STEAP2: variants seen among roughly 807,000 people sequenced by gnomAD.
STEAP2 encodes metalloreductase STEAP2.
A neutral mutation model predicts 46.4 loss-of-function variants in STEAP2; 30 were observed. The ratio of observed to expected loss-of-function variants is 0.65; its 90% CI spans 0.48 to 0.88. STEAP2 has a LOEUF of 0.88. Ranked by LOEUF, STEAP2 falls within the 40% of genes least tolerant of loss-of-function variation. The pLI is 0.00. For synonymous variants in STEAP2, 180 were observed against 200.5 expected, an observed-to-expected ratio of 0.90 and a Z score of 0.86; for missense variants, 513 against 579.3, an observed-to-expected ratio of 0.89 and a Z score of 1.18.
At chr7:90,214,932 C>T (rs2116121929) in intron 1 of STEAP2, among the ~76,000 whole-genome samples, 1 of 152,210 alleles carries the variant, frequency 6.6e-6, no homozygotes, top group South Asian at 2.1e-4. Context: ...GGTTCATCCA[C>T]TTGAATGATA....
rs770052148 is a variant in STEAP2, at chr7:90,232,532, A to G, written c.1381A>G (p.Ile461Val). The change falls in exon 6 of 6, where the codon ATT becomes GTT. Residue 461 changes from isoleucine to valine, a missense_variant. Transcript: ENST00000394621. ...ATGTATAAGCCGAAAGCTAAAACGA[A>G]TTAAAAAAGGCTGGGAAAAGAGCCA... Reference protein sequence around the residue: ...LPCISRKLKRIKKGWEKSQFL... With the variant: ...LPCISRKLKRVKKGWEKSQFL... 1 of 1,613,810 alleles carries G rather than the reference A, an allele frequency of 6.2e-7. No individual in the cohort carries two copies. Among genetic ancestry groups the G allele is most frequent in the Admixed American group, 1.7e-5 (1 of 60,000 alleles).
intron 2 of STEAP2, among the ~76,000 whole-genome samples, chr7:90,224,046 C>T (rs144387972): frequency 1.0e-3 from 153 of 152,324 alleles, no homozygotes; most frequent in African/African-American, 3.4e-3. Context: ...TCCTCTCTGC[C>T]TCCAGCAGCA....
intron 2 of STEAP2, among the ~76,000 whole-genome samples, chr7:90,221,750 A>G (rs1795267209): frequency 6.6e-6 from 1 of 152,216 alleles, no homozygotes; most frequent in Non-Finnish European, 1.5e-5. Flanking sequence ...TGTCAAAAGT[A>G]AAAGACAAAG....
chr7:90,219,482 G>A (rs1795160901), intron 2 of STEAP2, among the ~76,000 whole-genome samples: 1 of 151,998 alleles, frequency 6.6e-6, no homozygotes, highest in South Asian at 2.1e-4. Flanking sequence ...CTAGTTTGTT[G>A]CAAGTTTTAT....
In STEAP2 at chr7:90,235,702, T is replaced by A. The variant is rs1795940849; in HGVS notation, c.*3078T>A. 6 of 821,574 alleles carry A rather than the reference T, an allele frequency of 7.3e-6. No homozygotes were observed. The highest frequency in any genetic ancestry group is 6.2e-5 in the Admixed American group (1 of 16,038). 50.9% of individuals were successfully genotyped at this position (821,574 alleles called of 1,614,324 possible). On this transcript the variant is annotated 3_prime_UTR_variant, in exon 6 of 6. Transcript: ENST00000394621. Reference sequence around the variant, plus strand: ...TACTTAGCTTTTATGTAAATATTTCTTATGTCTCCTCTATTAAGAGTATTT... The same window carrying A: ...TACTTAGCTTTTATGTAAATATTTCATATGTCTCCTCTATTAAGAGTATTT...
At chr7:90,218,634 A>G (rs751862944) in intron 2 of STEAP2, among the ~76,000 whole-genome samples, 1 of 151,742 alleles carries the variant, frequency 6.6e-6, no homozygotes, top group African/African-American at 2.4e-5. Flanking sequence ...TGATCTGTGC[A>G]TTTGTTTTTA....
chr7:90,239,806 T>G (rs1380401128), downstream of STEAP2, among the ~76,000 whole-genome samples: 1 of 152,200 alleles, frequency 6.6e-6, no homozygotes, highest in Non-Finnish European at 1.5e-5. Context: ...TTAGTATACT[T>G]TTCATTAGAA....
chr7:90,238,461 A>G (rs1796018626), downstream of STEAP2, among the ~76,000 whole-genome samples: 1 of 152,230 alleles, frequency 6.6e-6, no homozygotes, highest in Non-Finnish European at 1.5e-5. Flanking sequence ...GTACAGCACA[A>G]AATGAAGCTA....
intron 1 of STEAP2, chr7:90,212,414 T>C (rs1237377265): frequency 6.6e-6 from 1 of 152,334 alleles, no homozygotes; most frequent in Non-Finnish European, 1.5e-5. Context: ...TTTGGGTTGA[T>C]GCAGGGCATT....
Position 90,233,394 on chromosome 7 carries a change from G to C in STEAP2, c.*770G>C. The C allele has an allele frequency of 2.0e-6, 2 of 984,970 alleles. No individual in the cohort carries two copies. The highest frequency in any genetic ancestry group is 2.4e-6 in the Non-Finnish European group (2 of 829,640). The allele number at this position is 984,970 out of a possible 1,614,324, so 61.0% of individuals were successfully genotyped here. A position where few individuals can be genotyped will look rare whatever the true frequency, so the allele number is the denominator to read the frequency against. Reference sequence around the variant, plus strand: ...CTTCCAAAACTGCTATCTCTAATACGGTACCAATCCTAGGAACTGTATACT... The same window carrying C: ...CTTCCAAAACTGCTATCTCTAATACCGTACCAATCCTAGGAACTGTATACT... On this transcript the variant is annotated 3_prime_UTR_variant, in exon 6 of 6. Transcript: ENST00000394621.
chr7:90,236,406 C>A lies in STEAP2; in HGVS notation c.*3782C>A, dbSNP rs1394659268. On this transcript the variant is annotated 3_prime_UTR_variant, in exon 6 of 6. Transcript: ENST00000394621. ...TAAATCCATGACTTAAAACAAGATA[C>A]ATACATAGTATAACACACCTCACAG... 17 of 984,974 alleles carry A rather than the reference C, an allele frequency of 1.7e-5. No homozygotes were observed. The highest frequency in any genetic ancestry group is 2.0e-5 in the Non-Finnish European group (17 of 829,534). The allele number at this position is 984,974 out of a possible 1,614,324, so 61.0% of individuals were successfully genotyped here.
chr7:90,217,834 A>C (rs2116172940), intron 2 of STEAP2, among the ~76,000 whole-genome samples: 1 of 152,182 alleles, frequency 6.6e-6, no homozygotes, highest in Non-Finnish European at 1.5e-5. Context: ...GTCTTTTGAG[A>C]AACAACCCCT....
At chr7:90,224,996 GT>G (rs1795417270) in intron 2 of STEAP2, 53 bp from the exon 3 acceptor site, 1 of 1,444,296 alleles carries the variant, frequency 6.9e-7, no homozygotes, top group Non-Finnish European at 9.4e-7. Flanking sequence ...GTCTAGAAGT[GT>G]TTTAATGTTC....
In STEAP2 at chr7:90,236,717, T is replaced by C. The variant is rs11563377; in HGVS notation, c.*4093T>C. On this transcript the variant is annotated 3_prime_UTR_variant, in exon 6 of 6. Coordinates refer to ENST00000394621, the MANE Select transcript of STEAP2 (RefSeq NM_001244944.2). ...TGTTCAGCCTAACATACTGAGTTTT[T>C]TTTAACTTTCTAAATTATTGAATTT... is the stretch of plus-strand genomic sequence containing the variant. 253,055 of 1,395,716 alleles carry C rather than the reference T, an allele frequency of 0.18. 23,883 individuals carry two copies. The highest frequency in any genetic ancestry group is 0.26 in the Middle Eastern group (982 of 3,794). 86.5% of individuals were successfully genotyped at this position (1,395,716 alleles called of 1,614,324 possible).
At chr7:90,218,281 T>C (rs1455736486) in intron 2 of STEAP2, among the ~76,000 whole-genome samples, 1 of 152,130 alleles carries the variant, frequency 6.6e-6, no homozygotes, top group African/African-American at 2.4e-5. Context: ...TATAGTCCCA[T>C]TTGTCTATTT....
chr7:90,227,088 T>C lies in STEAP2; in HGVS notation c.610T>C (p.Leu204=). 6.2e-7 allele frequency: 1 copy of C among 1,613,784 alleles called. No individual in the cohort carries two copies. Among genetic ancestry groups the C allele is most frequent in the Non-Finnish European group, 8.5e-7 (1 of 1,179,818 alleles). The change falls in exon 4 of 6, where the codon TTA becomes CTA. Residue 204 remains leucine, a synonymous_variant. Coordinates refer to ENST00000394621, the MANE Select transcript of STEAP2 (RefSeq NM_001244944.2). ...ATCATCAGCCAGAGAGATTGAAAAT[T>C]TACCCCTACGACTCTTTACTCTCTG... ...SLSSAREIEN[L]PLRLFTLWRG... is the part of the protein sequence containing the mutation.
rs1323477105 is a variant in STEAP2, at chr7:90,225,140, A to G, written c.58A>G (p.Asn20Asp). 1 of 1,613,888 alleles carries G rather than the reference A, an allele frequency of 6.2e-7. No homozygotes were observed. Among genetic ancestry groups the G allele is most frequent in the African/African-American group, 1.3e-5 (1 of 75,026 alleles). The change falls in exon 3 of 6, where the codon AAT becomes GAT. Residue 20 changes from asparagine to aspartate, a missense_variant. Transcript: ENST00000394621. ...GAGCCTTAGTGAAACTTTTTTACCT[A>G]ATGGCATAAATGGTATCAAAGATGC... The part of the protein sequence containing the change: ...PKSLSETFLP[N>D]GINGIKDARK...
chr7:90,240,809 C>A (rs1796051140), downstream of STEAP2, among the ~76,000 whole-genome samples: 1 of 152,136 alleles, frequency 6.6e-6, no homozygotes, highest in Non-Finnish European at 1.5e-5. This position sits in a 1 kb window ranked among gnomAD's most constrained non-coding sequence, Gnocchi z 4.1. Context: ...AGAATTGTTA[C>A]CACATTCAAG....
chr7:90,228,688 T>A (rs1285334692), intron 4 of STEAP2, among the ~76,000 whole-genome samples: 2 of 152,152 alleles, frequency 1.3e-5, no homozygotes, highest in African/African-American at 4.8e-5. Context: ...GAAAGTAAGT[T>A]CATGAGAAGA....
Sources: gnomAD v4.1 joint callset for allele counts (sites outside exome capture counted in the v4.1 genomes callset) on GRCh38, gnomAD v4.1.1 for gene constraint, Gnocchi (gnomAD v3.1) non-coding constraint, MANE v1.5 for transcripts, NCBI Gene and HGNC (gene_info 2026-07-23, HGNC 2026-07-21) for gene names.